SLC2A12: variants seen among roughly 807,000 people sequenced by gnomAD.
SLC2A12 encodes solute carrier family 2, facilitated glucose transporter member 12.
Under a neutral mutation model 41.8 loss-of-function variants are expected in SLC2A12, and 23 were observed. The observed-to-expected ratio is 0.55, with a 90% CI of 0.40 to 0.78. The LOEUF (loss-of-function observed/expected upper bound fraction) is 0.78, where lower values mean the gene tolerates loss of function less well. SLC2A12 is among the 30% of genes least tolerant of loss of function. The probability of loss-of-function intolerance (pLI) is 0.00; values close to 1 mark genes in which losing one functional copy is unlikely to be tolerated. For missense variants in SLC2A12, 654 were observed against 745.6 expected, an observed-to-expected ratio of 0.88 and a Z score of 1.43; for synonymous variants, 295 against 285.9, an observed-to-expected ratio of 1.03 and a Z score of -0.32.
rs1279232751 is a variant in SLC2A12 at position 134,052,438 on chromosome 6, G to A, written c.43C>T (p.Gln15Ter). 2 of 1,613,518 alleles carry A rather than the reference G, an allele frequency of 1.2e-6. No homozygotes were observed. Among genetic ancestry groups the A allele is most frequent in the Admixed American group, 3.3e-5 (2 of 60,016 alleles). Residue 15 changes from glutamine to a stop codon, truncating the protein, a stop_gained, in exon 1 of 5, where the codon CAG becomes TAG. Transcript: ENST00000275230. LOFTEE classifies it high-confidence loss of function. ...TCCGTCTCCACGGCTGTCCCCTTCT[G>A]GTTCAGCAGACTGGGGCCCTCGGTG... ...ENTEGPSLLNQKGTAVETEGS... is the reference protein window; with the variant it reads ...ENTEGPSLLN
chr6:134,017,863 A>G (rs545565649), intron 2 of SLC2A12, among the ~76,000 whole-genome samples: 1 of 142,784 alleles, frequency 7.0e-6, no homozygotes, highest in African/African-American at 2.6e-5. Context: ...GTCTCAAAAG[A>G]AAAAAAAAAA....
At chr6:134,017,067 A>T (rs903354173) in intron 2 of SLC2A12, among the ~76,000 whole-genome samples, 3 of 152,276 alleles carry the variant, frequency 2.0e-5, no homozygotes, top group Non-Finnish European at 2.9e-5. Flanking sequence ...GCTATTCTCA[A>T]TCTTTTTCTC....
intron 1 of SLC2A12, among the ~76,000 whole-genome samples, chr6:134,033,657 T>A (rs1237131589): frequency 6.6e-6 from 1 of 152,122 alleles, no homozygotes; most frequent in Non-Finnish European, 1.5e-5. Context: ...GCTGCGGAGT[T>A]AAGGATGCAG....
At chr6:134,006,659 T>C (rs1181641685) in intron 3 of SLC2A12, among the ~76,000 whole-genome samples, 153 bp downstream of exon 3, 1 of 152,138 alleles carries the variant, frequency 6.6e-6, no homozygotes, top group African/African-American at 2.4e-5. Flanking sequence ...TTCAAAACTG[T>C]AAATTGGGTC....
chr6:134,008,648 TC>T (rs1478121078), intron 2 of SLC2A12, among the ~76,000 whole-genome samples: 1 of 152,182 alleles, frequency 6.6e-6, no homozygotes, highest in East Asian at 1.9e-4. Context: ...AGACTGAAGA[TC>T]CAGCTCTGAG....
chr6:134,008,771 A>G (rs1433674908), intron 2 of SLC2A12, among the ~76,000 whole-genome samples: 2 of 152,332 alleles, frequency 1.3e-5, no homozygotes, highest in Non-Finnish European at 1.5e-5. Flanking sequence ...AATATATGCC[A>G]CGGACCAACC....
chr6:134,041,315 G>A (rs1777378304), intron 1 of SLC2A12, among the ~76,000 whole-genome samples: 1 of 152,048 alleles, frequency 6.6e-6, no homozygotes, highest in South Asian at 2.1e-4. Flanking sequence ...TGGAGTCCCT[G>A]AAGAGATACA....
intron 2 of SLC2A12, among the ~76,000 whole-genome samples, chr6:134,022,588 GAAAA>G (rs1406797365): frequency 1.7e-5 from 2 of 117,568 alleles, no homozygotes; most frequent in East Asian, 4.9e-4. Context: ...GAAAAGAAAA[GAAAA>G]GAAAAATGTT....
chr6:134,028,308 T>G, intron 2 of SLC2A12, 73 bp downstream of exon 2: 3 of 1,502,576 alleles, frequency 2.0e-6, no homozygotes, highest in South Asian at 2.7e-5. Flanking sequence ...CTAGCACTTA[T>G]GTTCATGAGG....
chr6:134,025,262 T>A (rs1293332674), intron 2 of SLC2A12, among the ~76,000 whole-genome samples: 1 of 152,212 alleles, frequency 6.6e-6, no homozygotes, highest in Non-Finnish European at 1.5e-5. Context: ...AGACTTGAGA[T>A]TAATGTTGAA....
Position 134,052,395 on chromosome 6 carries a change from T to C in SLC2A12, c.86A>G (p.His29Arg), listed in dbSNP as rs889777173. 3 of 1,612,848 alleles carry C rather than the reference T, an allele frequency of 1.9e-6. No homozygotes were observed. The highest frequency in any genetic ancestry group is 2.5e-6 in the Non-Finnish European group (3 of 1,179,980). Residue 29 changes from histidine (H) to arginine (R), a missense_variant, in exon 1 of 5, where the codon CAT becomes CGT. Physicochemically the swap from His to Arg is conservative, Grantham distance 29. Around this residue, in one of 3 missense-constraint regions of SLC2A12, gnomAD observed 109 missense variants for 153.0 expected, o/e 0.71. Coordinates refer to ENST00000275230, the MANE Select transcript of SLC2A12 (RefSeq NM_145176.3). ...CACTTTACCTCTCGCCCAGGGAGGA[T>C]GCCGGCTGCCGCTGCCCTCCGTCTC... ...AVETEGSGSR[H>R]PPWARGCGMF...
intron 3 of SLC2A12, among the ~76,000 whole-genome samples, chr6:134,004,673 G>A (rs942584825): frequency 2.6e-5 from 4 of 152,252 alleles, no homozygotes; most frequent in South Asian, 4.2e-4. Flanking sequence ...GTCAGTTTTC[G>A]TGGATACTGG....
At chr6:133,995,271 G>A (rs966159693) in intron 4 of SLC2A12, among the ~76,000 whole-genome samples, 2 of 152,148 alleles carry the variant, frequency 1.3e-5, no homozygotes, top group African/African-American at 4.8e-5. Context: ...TGAGGAGTAG[G>A]TAAAGATGCA....
intron 1 of SLC2A12, among the ~76,000 whole-genome samples, chr6:134,047,486 G>T (rs1777473857): frequency 6.6e-6 from 1 of 152,032 alleles, no homozygotes; most frequent in Admixed American, 6.5e-5. Context: ...TTTCAAGTTG[G>T]TGGATTCATC....
Position 134,028,504 on chromosome 6 carries a change from C to T in SLC2A12, c.1321G>A (p.Gly441Arg), listed in dbSNP as rs1445386608. The change falls in exon 2 of 5, where the codon GGA becomes AGA. Residue 441 changes from glycine to arginine, a missense_variant. Physicochemically the swap from Gly to Arg is moderately radical, Grantham distance 125. Transcript: ENST00000275230. ...ETTSASLLNA[G>R]LSHTEYQIVT... is the part of the protein sequence containing the mutation. ...ATCTGGTATTCAGTGTGGCTTAATC[C>T]AGCATTTAGCAAGGATGCTGAGGTC... 6.2e-7 allele frequency: 1 copy of T among 1,614,172 alleles called. No individual in the cohort carries two copies. Among genetic ancestry groups the T allele is most frequent in the African/African-American group, 1.3e-5 (1 of 75,050 alleles).
intron 4 of SLC2A12, among the ~76,000 whole-genome samples, chr6:133,995,184 A>C (rs1776671790): frequency 6.6e-6 from 1 of 152,214 alleles, no homozygotes; most frequent in East Asian, 1.9e-4. Flanking sequence ...TGGAGAGAAA[A>C]GTGGCACAAA....
chr6:134,009,919 A>G lies in SLC2A12; in HGVS notation c.1445-2985T>C, dbSNP rs111492163. On this transcript the variant is annotated intron_variant, in intron 2 of 4. Transcript: ENST00000275230. The stretch of plus-strand genomic sequence containing the variant: ...AAATCACAGGTTTTCAGCTCCAGAG[A>G]AAGGGAAATACAAATCTGAAAGTAT... 1.9e-3 allele frequency among the ~76,000 whole-genome samples: 293 copies of G among 152,258 alleles called. 1 individual carries two copies. The highest frequency in any genetic ancestry group is 6.7e-3 in the African/African-American group (278 of 41,566).
intron 2 of SLC2A12, 109 bp from the exon 3 acceptor site, chr6:134,007,043 GGT>G (rs1465034494): frequency 1.4e-6 from 2 of 1,472,862 alleles, no homozygotes; most frequent in Non-Finnish European, 1.8e-6. Flanking sequence ...CGGGATTTGT[GGT>G]TGGGAAGCAC....
chr6:134,017,862 G>T (rs983483772), intron 2 of SLC2A12, among the ~76,000 whole-genome samples: 1 of 110,262 alleles, frequency 9.1e-6, no homozygotes, highest in Non-Finnish European at 2.0e-5. Context: ...TGTCTCAAAA[G>T]AAAAAAAAAA....
Sources: allele counts gnomAD v4.1 joint callset (sites outside exome capture counted in the v4.1 genomes callset), GRCh38; gene constraint gnomAD v4.1.1; regional missense constraint gnomAD v4.1.1; transcripts MANE v1.5; gene names NCBI Gene and HGNC (gene_info 2026-07-23, HGNC 2026-07-21).